Variants in CNTNAP5 observed in about 807,000 individuals in gnomAD.
The protein encoded by CNTNAP5 is contactin-associated protein-like 5.
In CNTNAP5, 72 loss-of-function variants were observed where a neutral mutation model predicts 150.2. That is an observed-to-expected ratio of 0.48 (90% confidence interval 0.40 to 0.58). CNTNAP5 has a LOEUF of 0.58. Among genes scored for constraint, CNTNAP5 ranks in the 20% least tolerant of loss-of-function variants. The pLI is 0.00. For missense variants in CNTNAP5, 1,636 were observed against 1,626.2 expected, an observed-to-expected ratio of 1.01 and a Z score of -0.10; for synonymous variants, 672 against 619.8, an observed-to-expected ratio of 1.08 and a Z score of -1.25.
In CNTNAP5 at chr2:124,784,042, T is replaced by A. The variant is rs768190016; in HGVS notation, c.2753-5860T>A. Among the ~76,000 whole-genome samples the A allele has an allele frequency of 3.9e-4, 59 of 152,202 alleles. 1 individual carries two copies. The highest frequency in any genetic ancestry group is 8.8e-5 in the Non-Finnish European group (6 of 68,042). On this transcript the variant is annotated intron_variant, in intron 17 of 23. Coordinates refer to ENST00000682447, the MANE Select transcript of CNTNAP5 (RefSeq NM_001367498.1). ...TTCATCATGTATATGTTAAACCTTC[T>A]GCCACTTTAGTCAAAAAGTCTGCCA...
intron 12 of CNTNAP5, among the ~76,000 whole-genome samples, chr2:124,620,883 A>G (rs1677600948): frequency 6.6e-6 from 1 of 152,164 alleles, no homozygotes; most frequent in African/African-American, 2.4e-5. Context: ...TACAGTTGAC[A>G]TAGTATGAAT....
At chr2:124,211,068 A>G (rs2104724459) in intron 1 of CNTNAP5, among the ~76,000 whole-genome samples, 1 of 152,254 alleles carries the variant, frequency 6.6e-6, no homozygotes, top group East Asian at 1.9e-4. Flanking sequence ...ATGTGATAAA[A>G]CCTAAAAAGT....
At chr2:124,755,334 A>G (rs2105155049) in intron 14 of CNTNAP5, among the ~76,000 whole-genome samples, 1 of 152,348 alleles carries the variant, frequency 6.6e-6, no homozygotes, top group East Asian at 1.9e-4. Context: ...TGTATCAGAA[A>G]TAAAACTCAA....
chr2:124,737,223 G>C (rs1031639799), intron 13 of CNTNAP5, among the ~76,000 whole-genome samples: 2 of 151,600 alleles, frequency 1.3e-5, no homozygotes, highest in Admixed American at 6.6e-5. Context: ...CCTGGGAGGC[G>C]GAGGTTGCAG....
chr2:124,339,598 T>A (rs1250181809), intron 3 of CNTNAP5, among the ~76,000 whole-genome samples: 1 of 152,196 alleles, frequency 6.6e-6, no homozygotes, highest in African/African-American at 2.4e-5. Context: ...ATTTTTAACA[T>A]ACAAATATGT....
intron 3 of CNTNAP5, among the ~76,000 whole-genome samples, chr2:124,299,578 G>A (rs1013654844): frequency 5.3e-5 from 8 of 151,780 alleles, no homozygotes; most frequent in African/African-American, 1.2e-4. Context: ...TTTCTTTATC[G>A]AGTCTATCAT....
intron 13 of CNTNAP5, among the ~76,000 whole-genome samples, chr2:124,732,992 A>C (rs1680304787): frequency 6.6e-6 from 1 of 152,188 alleles, no homozygotes; most frequent in Non-Finnish European, 1.5e-5. Flanking sequence ...GGGTCTATTC[A>C]CATGAATAAT....
At chr2:124,219,902 G>A (rs1409938037) in intron 1 of CNTNAP5, among the ~76,000 whole-genome samples, 1 of 151,814 alleles carries the variant, frequency 6.6e-6, no homozygotes, top group Non-Finnish European at 1.5e-5. Flanking sequence ...CCATATCTGC[G>A]ATTTTTATGT....
intron 21 of CNTNAP5, among the ~76,000 whole-genome samples, chr2:124,875,066 T>C (rs905706910): frequency 6.6e-6 from 1 of 152,094 alleles, no homozygotes. Context: ...GATTTTGACA[T>C]GTTAAAATGA....
chr2:124,512,135 C>A (rs1694607897), intron 8 of CNTNAP5, among the ~76,000 whole-genome samples: 1 of 151,800 alleles, frequency 6.6e-6, no homozygotes, highest in African/African-American at 2.4e-5. Flanking sequence ...GACCGGCTTT[C>A]TTATAGCTAA....
intron 3 of CNTNAP5, among the ~76,000 whole-genome samples, chr2:124,383,775 G>A (rs1259986818): frequency 1.3e-5 from 2 of 152,070 alleles, no homozygotes; most frequent in African/African-American, 4.8e-5. Flanking sequence ...CAGCAAAAGT[G>A]TATTTTATCA....
intron 1 of CNTNAP5, among the ~76,000 whole-genome samples, chr2:124,109,625 G>A (rs1394374305): frequency 6.6e-6 from 1 of 152,170 alleles, no homozygotes; most frequent in Non-Finnish European, 1.5e-5. Context: ...CTGGGGACAG[G>A]GCATCTGTCA....
At chr2:124,747,207 G>A (rs1475445951) in intron 13 of CNTNAP5, 22 bp from the exon 14 acceptor site, 1 of 1,608,210 alleles carries the variant, frequency 6.2e-7, no homozygotes, top group Admixed American at 1.7e-5. Flanking sequence ...TACCCTGACT[G>A]GTGGAATATC....
intron 19 of CNTNAP5, among the ~76,000 whole-genome samples, chr2:124,825,428 G>C (rs1336479772): frequency 6.6e-6 from 1 of 152,098 alleles, no homozygotes; most frequent in Non-Finnish European, 1.5e-5. Context: ...CCTCAAGAAG[G>C]TCCCTTACAA....
chr2:124,137,841 C>T (rs1055571122), intron 1 of CNTNAP5, among the ~76,000 whole-genome samples: 3 of 151,900 alleles, frequency 2.0e-5, no homozygotes, highest in Admixed American at 6.6e-5. Flanking sequence ...AGCCTAGAGA[C>T]TAACATTGTT....
At chr2:124,489,524 G>T (rs1693969779) in intron 7 of CNTNAP5, among the ~76,000 whole-genome samples, 1 of 152,038 alleles carries the variant, frequency 6.6e-6, no homozygotes, top group African/African-American at 2.4e-5. Flanking sequence ...CTGGGGGCTG[G>T]GCCTTCAACA....
intron 20 of CNTNAP5, among the ~76,000 whole-genome samples, chr2:124,866,127 G>A (rs1024779460): frequency 1.3e-5 from 2 of 151,956 alleles, no homozygotes; most frequent in Admixed American, 1.3e-4. Flanking sequence ...GCCAGGTGTG[G>A]TGGCACGCAC....
At chr2:124,158,944 C>T (rs542628081) in intron 1 of CNTNAP5, among the ~76,000 whole-genome samples, 1 of 152,278 alleles carries the variant, frequency 6.6e-6, no homozygotes, top group African/African-American at 2.4e-5. Context: ...CCTCGACACC[C>T]ACAGGAATCT....
At chr2:124,208,802 C>T (rs536513701) in intron 1 of CNTNAP5, among the ~76,000 whole-genome samples, 12 of 152,132 alleles carry the variant, frequency 7.9e-5, no homozygotes, top group African/African-American at 2.7e-4. Context: ...TCAATTTATT[C>T]ATGTTCTAAA....
Sources: gnomAD v4.1 joint callset for allele counts (sites outside exome capture counted in the v4.1 genomes callset) on GRCh38, gnomAD v4.1.1 for gene constraint, MANE v1.5 for transcripts, NCBI Gene and HGNC (gene_info 2026-07-23, HGNC 2026-07-21) for gene names.